Variants in TFIP11 observed in about 807,000 individuals in gnomAD.
TFIP11 encodes tuftelin interacting protein 11.
A neutral mutation model predicts 96.8 loss-of-function variants in TFIP11; 86 were observed. The ratio of observed to expected loss-of-function variants is 0.89; its 90% CI spans 0.75 to 1.06. The LOEUF (loss-of-function observed/expected upper bound fraction) is 1.06, where lower values mean the gene tolerates loss of function less well. Among genes scored for constraint, TFIP11 ranks in the 50% least tolerant of loss-of-function variants. The pLI is 0.00. For synonymous variants in TFIP11, 405 were observed against 395.2 expected, an observed-to-expected ratio of 1.02 and a Z score of -0.29; for missense variants, 881 against 1,076.7, an observed-to-expected ratio of 0.82 and a Z score of 2.54.
At position 26,510,051 on chromosome 22, in the gene TFIP11, T is replaced by C; in HGVS notation, c.209+13A>G. 6.2e-7 allele frequency: 1 copy of C among 1,612,408 alleles called. No individual in the cohort carries two copies. The highest frequency in any genetic ancestry group is 8.5e-7 in the Non-Finnish European group (1 of 1,179,760). On this transcript the variant is annotated intron_variant, in intron 4 of 14. Transcript: ENST00000407690. ...CTAAAGCAAGGTGAAGCAGCCCCCA[T>C]GCCAGGCAATACCGTTTGCCTCCAA...
Position 26,496,315 on chromosome 22 carries a change from A to C in TFIP11, c.1607T>G (p.Val536Gly). 1 of 1,592,074 alleles carries C rather than the reference A, an allele frequency of 6.3e-7. No homozygotes were observed. Residue 536 changes from valine (V) to glycine (G), a missense_variant and splice_region_variant, in exon 12 of 15, where the codon GTG (valine) becomes GGG (glycine). Physicochemically the swap from Val to Gly is moderately radical, Grantham distance 109. Coordinates refer to ENST00000407690, the MANE Select transcript of TFIP11 (RefSeq NM_012143.4). ...QLIFPKLQKEVENWNPLTDTV... is the reference protein window; with the variant it reads ...QLIFPKLQKEGENWNPLTDTV... ...GTCTGTGAGCGGGTTCCAGTTTTCC[A>C]CCTGCGAAGTGGGGAGGAGAAACAG...
intron 13 of TFIP11, 51 bp from the exon 14 acceptor site, chr22:26,494,355 A>G (rs754137855): frequency 6.2e-7 from 1 of 1,608,938 alleles, no homozygotes; most frequent in Non-Finnish European, 8.5e-7. Context: ...AATGAAGGCA[A>G]GATTTCTGAA....
Position 26,506,904 on chromosome 22 carries a change from G to C in TFIP11, c.234C>G (p.Val78=). 1 of 1,614,158 alleles carries C rather than the reference G, an allele frequency of 6.2e-7. No homozygotes were observed. The highest frequency in any genetic ancestry group is 8.5e-7 in the Non-Finnish European group (1 of 1,180,026). The change falls in exon 5 of 15, where the codon GTC becomes GTG. Residue 78 remains valine (V), a synonymous_variant. Coordinates refer to ENST00000407690, the MANE Select transcript of TFIP11 (RefSeq NM_012143.4). ...GKRARDYSAP[V]NFISAGLKKG... ...TCTTGAGCCCTGCGCTGATGAAGTT[G>C]ACTGGCGCAGAGTAGTCACGGGCCC... is the stretch of plus-strand genomic sequence containing the variant.
chr22:26,499,711 T>C lies in TFIP11; in HGVS notation c.802-80A>G, dbSNP rs1922545839. The C allele has an allele frequency of 9.1e-6, 13 of 1,431,950 alleles. No individual in the cohort carries two copies. The South Asian group carries it at 1.5e-4, about 16-fold the overall frequency. 88.7% of individuals were successfully genotyped at this position (1,431,950 alleles called of 1,614,324 possible). A position where few individuals can be genotyped will look rare whatever the true frequency, so the allele number is the denominator to read the frequency against. Reference sequence around the variant, plus strand: ...CAGCTAAGCCCAGGGGAAGGCCCCATGACAGGGGAAGTGTGTAGAAACCAC... The same window carrying C: ...CAGCTAAGCCCAGGGGAAGGCCCCACGACAGGGGAAGTGTGTAGAAACCAC... On this transcript the variant is annotated intron_variant, in intron 8 of 14. Coordinates refer to ENST00000407690, the MANE Select transcript of TFIP11 (RefSeq NM_012143.4).
intron 4 of TFIP11, among the ~76,000 whole-genome samples, chr22:26,509,555 C>G (rs1158703932): frequency 2.0e-5 from 3 of 152,148 alleles, no homozygotes; most frequent in Admixed American, 2.0e-4. Context: ...TCAATAAACA[C>G]TGATAATTAA....
At chr22:26,497,362 T>C (rs1380530722) in intron 10 of TFIP11, among the ~76,000 whole-genome samples, 1 of 152,218 alleles carries the variant, frequency 6.6e-6, no homozygotes, top group Non-Finnish European at 1.5e-5. Context: ...ATCTGCTTTT[T>C]TTGCTGTACT....
In TFIP11 at chr22:26,503,802, T is replaced by C; in HGVS notation, c.521-9A>G. ...AATTGGGTTAATGATACCTGAGGAA[T>C]TTCAGCAAAAAAAAAAGAGAGTCTT... On this transcript the variant is annotated splice_polypyrimidine_tract_variant and intron_variant, in intron 6 of 14. Coordinates refer to ENST00000407690, the MANE Select transcript of TFIP11 (RefSeq NM_012143.4). 1 of 1,600,390 alleles carries C rather than the reference T, an allele frequency of 6.2e-7. No individual in the cohort carries two copies. Among genetic ancestry groups the C allele is most frequent in the African/African-American group, 1.4e-5 (1 of 73,532 alleles).
chr22:26,492,981 A>G (rs1921406726), intron 14 of TFIP11: 1 of 152,736 alleles, frequency 6.5e-6, no homozygotes, highest in African/African-American at 2.4e-5. Flanking sequence ...GCAGAGAAGT[A>G]TATTTGCCTT....
In TFIP11 at chr22:26,491,814, C is replaced by G; in HGVS notation, c.*199G>C. ...GCTGTCCTGTTTTGAGGACGATACC[C>G]CACATGAGGACTTGGTATAAAGATT... On this transcript the variant is annotated 3_prime_UTR_variant, in exon 15 of 15. Coordinates refer to ENST00000407690, the MANE Select transcript of TFIP11 (RefSeq NM_012143.4). 1.1e-6 allele frequency: 1 copy of G among 927,246 alleles called. No homozygotes were observed. The highest frequency in any genetic ancestry group is 1.7e-5 in the African/African-American group (1 of 60,096). 57.4% of individuals were successfully genotyped at this position (927,246 alleles called of 1,614,324 possible). A position where few individuals can be genotyped will look rare whatever the true frequency, so the allele number is the denominator to read the frequency against.
intron 12 of TFIP11, among the ~76,000 whole-genome samples, chr22:26,495,565 C>CAT (rs200275393): frequency 6.6e-5 from 4 of 60,958 alleles, no homozygotes; most frequent in Admixed American, 1.8e-4. Context: ...TATATATACA[C>CAT]ATATATATAT....
chr22:26,493,978 T>C (rs913450942), intron 14 of TFIP11, 161 bp downstream of exon 14: 4 of 729,938 alleles, frequency 5.5e-6, no homozygotes, highest in South Asian at 1.9e-5. Context: ...CAGCTGACCA[T>C]GTACCCCAGT....
In TFIP11 at chr22:26,491,593, G is replaced by A. The variant is rs1411721335; in HGVS notation, c.*420C>T. On this transcript the variant is annotated 3_prime_UTR_variant, in exon 15 of 15. Coordinates refer to ENST00000407690, the MANE Select transcript of TFIP11 (RefSeq NM_012143.4). ...CTCTCCATAGATATTTGGGAGTTTC[G>A]GGAAGAACCAGATTATCAGGACTGT... is the stretch of plus-strand genomic sequence containing the variant. The A allele has an allele frequency of 4.3e-6, 7 of 1,614,144 alleles. No individual in the cohort carries two copies. The highest frequency in any genetic ancestry group is 2.2e-5 in the East Asian group (1 of 44,886).
chr22:26,496,375 C>G, intron 11 of TFIP11, 59 bp from the exon 12 acceptor site: 2 of 1,534,534 alleles, frequency 1.3e-6, no homozygotes, highest in Non-Finnish European at 1.8e-6. Context: ...CATAACACCC[C>G]TGTGTGGCTA....
chr22:26,509,857 A>T (rs1384645204), intron 4 of TFIP11, among the ~76,000 whole-genome samples: 1 of 149,526 alleles, frequency 6.7e-6, no homozygotes, highest in East Asian at 1.9e-4. Context: ...CCGTGTCTCA[A>T]AAAAAATAAT....
chr22:26,499,646 A>AGG lies in TFIP11; in HGVS notation c.802-17_802-16dup, dbSNP rs948995827. 4 of 1,594,094 alleles carry AGG rather than the reference A, an allele frequency of 2.5e-6. No individual in the cohort carries two copies. Among genetic ancestry groups the AGG allele is most frequent in the Non-Finnish European group, 3.4e-6 (4 of 1,169,856 alleles). ...ATGTCTATGACCTTGGAAAACATAGAGGGATGAAGGTTAACACCGCTGCAG... is the reference window on the plus strand; with the variant it reads ...ATGTCTATGACCTTGGAAAACATAGAGGGGGATGAAGGTTAACACCGCTGCAG... On this transcript the variant is annotated splice_polypyrimidine_tract_variant and intron_variant, in intron 8 of 14. Transcript: ENST00000407690.
At chr22:26,506,653 C>T in intron 5 of TFIP11, 122 bp downstream of exon 5, 1 of 1,390,206 alleles carries the variant, frequency 7.2e-7, no homozygotes. Flanking sequence ...CAGAAACCTG[C>T]CACCAAAAGG....
chr22:26,494,968 C>T (rs1413391944), intron 12 of TFIP11, 29 bp from the exon 13 acceptor site: 10 of 1,613,830 alleles, frequency 6.2e-6, no homozygotes, highest in African/African-American at 1.3e-5. Context: ...CTGTAAGGCA[C>T]AGCTTTAGTA....
chr22:26,498,814 T>A (rs1922378107), intron 10 of TFIP11, 55 bp downstream of exon 10: 1 of 1,469,128 alleles, frequency 6.8e-7, no homozygotes, highest in African/African-American at 1.4e-5. Context: ...CAGCAATCCT[T>A]CCCAACCCCC....
intron 10 of TFIP11, among the ~76,000 whole-genome samples, chr22:26,498,237 T>C (rs1393192264): frequency 6.6e-6 from 1 of 151,162 alleles, no homozygotes; most frequent in Admixed American, 6.6e-5. Context: ...GGGAAGGGGG[T>C]GAGGGATAAA....
Sources: gnomAD v4.1 joint callset for allele counts (sites outside exome capture counted in the v4.1 genomes callset) on GRCh38, gnomAD v4.1.1 for gene constraint, MANE v1.5 for transcripts, NCBI Gene and HGNC (gene_info 2026-07-23, HGNC 2026-07-21) for gene names.